ELOVL5: variants seen among roughly 807,000 people sequenced by gnomAD.
ELOVL5 encodes ELOVL fatty acid elongase 5.
ELOVL5 carries 8 observed loss-of-function variants against 38.6 expected under a neutral mutation model. The observed-to-expected ratio is 0.21, with a 90% confidence interval of 0.12 to 0.37. ELOVL5 has a LOEUF of 0.37. ELOVL5 is among the 10% of genes least tolerant of loss of function. The pLI is 1.00. For synonymous variants in ELOVL5, 127 were observed against 133.7 expected (o/e 0.95, Z 0.34); for missense variants, 280 against 367.8 (o/e 0.76, Z 1.95).
chr6:53,308,184 C>T (rs989642682), intron 1 of ELOVL5, among the ~76,000 whole-genome samples: 2 of 152,024 alleles, frequency 1.3e-5, no homozygotes, highest in East Asian at 3.8e-4. Context: ...TAATTAAGAC[C>T]TAGATGGGAA....
At chr6:53,319,618 T>C (rs2127586598) in intron 1 of ELOVL5, among the ~76,000 whole-genome samples, 1 of 152,312 alleles carries the variant, frequency 6.6e-6, no homozygotes, top group South Asian at 2.1e-4. Context: ...TCATTTAGAA[T>C]ATAATTAATA....
chr6:53,287,460 G>A (rs1045007995), intron 3 of ELOVL5, among the ~76,000 whole-genome samples: 1 of 152,152 alleles, frequency 6.6e-6, no homozygotes, highest in African/African-American at 2.4e-5. Flanking sequence ...GTGTCAGTGG[G>A]GCAAGGATGG....
chr6:53,303,730 C>T (rs1767362212), intron 1 of ELOVL5, among the ~76,000 whole-genome samples: 2 of 152,180 alleles, frequency 1.3e-5, no homozygotes, highest in African/African-American at 4.8e-5. Context: ...TACAAAAATA[C>T]GTTTAGGGTC....
intron 5 of ELOVL5, 148 bp downstream of exon 5, chr6:53,274,942 T>G (rs772627873): frequency 1.1e-4 from 79 of 735,718 alleles, no homozygotes; most frequent in Non-Finnish European, 1.7e-4. Context: ...TGTGCATAGG[T>G]ACATAAACTA....
At chr6:53,309,678 A>G (rs1767746358) in intron 1 of ELOVL5, among the ~76,000 whole-genome samples, 1 of 152,126 alleles carries the variant, frequency 6.6e-6, no homozygotes, top group African/African-American at 2.4e-5. Context: ...GTGATAACAG[A>G]TGTTGTGGCT....
intron 1 of ELOVL5, among the ~76,000 whole-genome samples, chr6:53,335,626 C>G (rs1244396537): frequency 3.9e-5 from 6 of 152,160 alleles, no homozygotes; most frequent in African/African-American, 1.4e-4. Flanking sequence ...CCCAGACTCT[C>G]AGTTCCAAGT....
At chr6:53,342,866 A>G (rs1033523180) in intron 1 of ELOVL5, among the ~76,000 whole-genome samples, 1 of 152,232 alleles carries the variant, frequency 6.6e-6, no homozygotes, top group Admixed American at 6.5e-5. Flanking sequence ...AGGATGGAGG[A>G]GCAAGAGTGG....
intron 3 of ELOVL5, among the ~76,000 whole-genome samples, chr6:53,285,362 T>C (rs560159686): frequency 6.6e-6 from 1 of 152,314 alleles, no homozygotes; most frequent in Admixed American, 6.5e-5. Context: ...ACTAACTCAC[T>C]TCAATTCTGT....
Position 53,270,637 on chromosome 6 carries a change from A to T in ELOVL5, c.712T>A (p.Tyr238Asn), listed in dbSNP as rs1561860628. Residue 238 changes from tyrosine (Y) to asparagine (N), a missense_variant, in exon 7 of 8, where the codon TAC (tyrosine) becomes AAC (asparagine). Tyr to Asn is a moderately radical substitution (Grantham distance 143, BLOSUM62 -2). Transcript: ENST00000304434. ...AAGAGAGCAATCAGGGAAATCATGTATCCAATCTGGAAATACAACCAACCA... is the reference window on the plus strand; with the variant it reads ...AAGAGAGCAATCAGGGAAATCATGTTTCCAATCTGGAAATACAACCAACCA... ...PLGWLYFQIG[Y>N]MISLIALFTN... 6.2e-7 allele frequency: 1 copy of T among 1,614,186 alleles called. No individual in the cohort carries two copies. Among genetic ancestry groups the T allele is most frequent in the Non-Finnish European group, 8.5e-7 (1 of 1,180,014 alleles).
chr6:53,291,359 A>G (rs2127574209), intron 3 of ELOVL5, among the ~76,000 whole-genome samples: 1 of 152,296 alleles, frequency 6.6e-6, no homozygotes, highest in Middle Eastern at 3.4e-3. Flanking sequence ...TACCAAACAC[A>G]AGTGCCACCC....
At chr6:53,286,866 T>C (rs1766592963) in intron 3 of ELOVL5, among the ~76,000 whole-genome samples, 2 of 152,178 alleles carry the variant, frequency 1.3e-5, no homozygotes, top group African/African-American at 4.8e-5. Context: ...TATACATATA[T>C]ATGTAGTAAA....
chr6:53,283,989 T>C (rs558408329), intron 3 of ELOVL5, among the ~76,000 whole-genome samples: 27 of 149,506 alleles, frequency 1.8e-4, no homozygotes, highest in African/African-American at 6.2e-4. Context: ...GCAATAATGG[T>C]GATTATTTAG....
At chr6:53,309,127 A>T (rs1362478023) in intron 1 of ELOVL5, among the ~76,000 whole-genome samples, 1 of 152,094 alleles carries the variant, frequency 6.6e-6, no homozygotes, top group African/African-American at 2.4e-5. Flanking sequence ...CCATAACACC[A>T]TTACTACCAG....
chr6:53,346,440 G>C lies in ELOVL5; in HGVS notation c.-9+2377C>G, dbSNP rs776537694. 2.4e-4 allele frequency among the ~76,000 whole-genome samples: 37 copies of C among 152,116 alleles called. 1 individual carries two copies. The highest frequency in any genetic ancestry group is 3.2e-4 in the Non-Finnish European group (22 of 68,030). On this transcript the variant is annotated intron_variant, in intron 1 of 7. Coordinates refer to ENST00000304434, the MANE Select transcript of ELOVL5 (RefSeq NM_021814.5). ...AACTGGGGGATAAAACCTCACAGAG[G>C]TGTTATAAGAATTACGTGTGGAAAG...
At chr6:53,327,430 T>C (rs1768595372) in intron 1 of ELOVL5, among the ~76,000 whole-genome samples, 1 of 152,204 alleles carries the variant, frequency 6.6e-6, no homozygotes, top group Admixed American at 6.5e-5. Context: ...AGAAGCCAGA[T>C]ACAAGAGGTC....
At chr6:53,348,227 G>A (rs1769657985) in intron 1 of ELOVL5, among the ~76,000 whole-genome samples, 1 of 152,154 alleles carries the variant, frequency 6.6e-6, no homozygotes, top group Admixed American at 6.5e-5. Flanking sequence ...TCCCTCCGAG[G>A]GGCGGACGGA....
chr6:53,279,428 T>G (rs1039103851), intron 3 of ELOVL5, among the ~76,000 whole-genome samples: 2 of 152,222 alleles, frequency 1.3e-5, no homozygotes, highest in Non-Finnish European at 2.9e-5. Flanking sequence ...CAGTGACCTG[T>G]AGCTGTTTGC....
In ELOVL5 at chr6:53,348,798, C is replaced by T; in HGVS notation, c.-9+19G>A. The stretch of plus-strand genomic sequence containing the variant: ...GAGCGGCGGCCCCCGACGAAGTTTC[C>T]CGGAGCTGACGGCTTTACCTTTTAG... On this transcript the variant is annotated intron_variant, in intron 1 of 7. Transcript: ENST00000304434. 1 of 454,288 alleles carries T rather than the reference C, an allele frequency of 2.2e-6. No homozygotes were observed. The highest frequency in any genetic ancestry group is 4.4e-6 in the Non-Finnish European group (1 of 226,246). 28.1% of individuals were successfully genotyped at this position (454,288 alleles called of 1,614,324 possible). A position where few individuals can be genotyped will look rare whatever the true frequency, so the allele number is the denominator to read the frequency against.
intron 6 of ELOVL5, 45 bp downstream of exon 6, chr6:53,273,175 A>G: frequency 1.2e-6 from 2 of 1,608,510 alleles, no homozygotes; most frequent in Non-Finnish European, 8.5e-7. Context: ...AGAGGTCTGT[A>G]TCCACCAGGA....
Sources: allele counts gnomAD v4.1 joint callset (sites outside exome capture counted in the v4.1 genomes callset), GRCh38; gene constraint gnomAD v4.1.1; transcripts MANE v1.5; gene names NCBI Gene and HGNC (gene_info 2026-07-23, HGNC 2026-07-21).